CYFIP1: variants seen among roughly 807,000 people sequenced by gnomAD.
CYFIP1 encodes cytoplasmic FMR1-interacting protein 1.
CYFIP1 carries 58 observed loss-of-function variants against 163.5 expected under a neutral mutation model. That is an observed-to-expected ratio of 0.35 (90% CI 0.29 to 0.44). The LOEUF (loss-of-function observed/expected upper bound fraction) is 0.44. CYFIP1 is among the 20% of genes least tolerant of loss of function. The pLI, the probability that CYFIP1 is intolerant of heterozygous loss-of-function variation, is 1.00. For missense variants in CYFIP1, 1,338 were observed against 1,653.8 expected (o/e 0.81, Z 3.31); for synonymous variants, 663 against 660.7 (o/e 1.00, Z -0.05).
chr15:22,941,434 G>C (rs920705894), intron 6 of CYFIP1, among the ~76,000 whole-genome samples: 1 of 152,014 alleles, frequency 6.6e-6, no homozygotes, highest in African/African-American at 2.4e-5. Context: ...CAAGGATACT[G>C]TTTTCTATTT....
In CYFIP1 at chr15:22,916,401, C is replaced by T. The variant is rs376753451; in HGVS notation, c.1828+76G>A. 1.7e-4 allele frequency: 196 copies of T among 1,133,926 alleles called. 1 individual carries two copies. Among genetic ancestry groups the T allele is most frequent in the East Asian group, 2.3e-4 (10 of 42,658 alleles). 70.2% of individuals were successfully genotyped at this position (1,133,926 alleles called of 1,614,324 possible). A position where few individuals can be genotyped will look rare whatever the true frequency, so the allele number is the denominator to read the frequency against. On this transcript the variant is annotated intron_variant, in intron 16 of 30. Transcript: ENST00000617928. Reference sequence around the variant, plus strand: ...AGGGACGGGGTAGGGGGTGGTCAGGCGGGCGGAAGCATTCTAGACGGTGTT... The same window carrying T: ...AGGGACGGGGTAGGGGGTGGTCAGGTGGGCGGAAGCATTCTAGACGGTGTT...
intron 17 of CYFIP1, among the ~76,000 whole-genome samples, 179 bp downstream of exon 17, chr15:22,914,547 C>T (rs2060904836): frequency 6.6e-6 from 1 of 152,036 alleles, no homozygotes; most frequent in Non-Finnish European, 1.5e-5. Flanking sequence ...CCGCATCAGC[C>T]ACCACACCAG....
chr15:22,967,434 T>C (rs186342570), intron 1 of CYFIP1, among the ~76,000 whole-genome samples: 15 of 152,268 alleles, frequency 9.9e-5, no homozygotes, highest in African/African-American at 3.6e-4. Flanking sequence ...CTTGGCTAAG[T>C]CTACAGGAGT....
intron 11 of CYFIP1, 34 bp downstream of exon 11, chr15:22,932,189 G>C: frequency 6.6e-7 from 1 of 1,524,092 alleles, no homozygotes; most frequent in Non-Finnish European, 9.0e-7. Flanking sequence ...GGCGACCCTC[G>C]GGTGCCTGTG....
rs760706216 is a variant in CYFIP1 at position 22,926,117 on chromosome 15, C to T, written c.1234-10G>A. The stretch of plus-strand genomic sequence containing the variant: ...CAAGCTTCCAGGAATACTGTGGTGG[C>T]CGAAAGAGCAGAGGTGTTCCATATT... On this transcript the variant is annotated splice_polypyrimidine_tract_variant and intron_variant, in intron 12 of 30. Transcript: ENST00000617928. The T allele has an allele frequency of 5.6e-6, 9 of 1,613,978 alleles. No individual in the cohort carries two copies. The highest frequency in any genetic ancestry group is 3.3e-4 in the Middle Eastern group (2 of 6,062).
chr15:22,950,398 A>G (rs1027131400), intron 1 of CYFIP1, among the ~76,000 whole-genome samples: 2 of 152,102 alleles, frequency 1.3e-5, no homozygotes, highest in South Asian at 4.1e-4. Flanking sequence ...CTCATCAGAG[A>G]GAGAGAAGGA....
chr15:22,935,442 AG>A (rs1398535207), intron 9 of CYFIP1, among the ~76,000 whole-genome samples: 2 of 152,218 alleles, frequency 1.3e-5, no homozygotes, highest in Admixed American at 6.5e-5. Context: ...GATTAGATCT[AG>A]GTGAAAAAGG....
At chr15:22,891,949 A>C (rs542630140) in intron 23 of CYFIP1, among the ~76,000 whole-genome samples, 1 of 152,226 alleles carries the variant, frequency 6.6e-6, no homozygotes, top group African/African-American at 2.4e-5. Context: ...GGCATTGGGC[A>C]GATGGGGCAG....
chr15:22,926,185 G>T, intron 12 of CYFIP1, 78 bp from the exon 13 acceptor site: 1 of 1,589,232 alleles, frequency 6.3e-7, no homozygotes. Context: ...ACACGATGGT[G>T]GCCAAAGCCA....
At chr15:22,959,795 C>T (rs1337386812) in intron 1 of CYFIP1, among the ~76,000 whole-genome samples, 2 of 152,230 alleles carry the variant, frequency 1.3e-5, no homozygotes, top group Non-Finnish European at 2.9e-5. Context: ...TCCCCCTCCC[C>T]ACCAGCCTCT....
At chr15:22,950,383 A>T (rs952756294) in intron 1 of CYFIP1, among the ~76,000 whole-genome samples, 1 of 152,198 alleles carries the variant, frequency 6.6e-6, no homozygotes, top group African/African-American at 2.4e-5. Flanking sequence ...CCTCCGAGCA[A>T]GGAACTCATC....
At chr15:22,907,590 C>T (rs1264190959) in intron 21 of CYFIP1, among the ~76,000 whole-genome samples, 1 of 152,186 alleles carries the variant, frequency 6.6e-6, no homozygotes, top group Non-Finnish European at 1.5e-5. Flanking sequence ...ACACTGTAAA[C>T]CCTCCCCCTG....
chr15:22,897,609 G>A (rs1456531463), intron 22 of CYFIP1, among the ~76,000 whole-genome samples: 2 of 151,932 alleles, frequency 1.3e-5, no homozygotes, highest in South Asian at 4.2e-4. Flanking sequence ...TCAGCCTCCT[G>A]AGTAGCTGGG....
intron 6 of CYFIP1, among the ~76,000 whole-genome samples, chr15:22,942,711 C>A (rs1004999435): frequency 6.6e-6 from 1 of 152,172 alleles, no homozygotes; most frequent in African/African-American, 2.4e-5. Context: ...GCACGGGCCA[C>A]GTCTGCACAT....
At chr15:22,873,866 G>A (rs1299049634) in intron 28 of CYFIP1, 137 bp from the exon 29 acceptor site, 5 of 775,118 alleles carry the variant, frequency 6.5e-6, no homozygotes, top group African/African-American at 1.7e-5. Flanking sequence ...ATCACAGCTC[G>A]CTGCAGCCTT....
chr15:22,908,552 C>CA (rs1188760835), intron 21 of CYFIP1, among the ~76,000 whole-genome samples: 2 of 91,006 alleles, frequency 2.2e-5, no homozygotes, highest in East Asian at 3.9e-4. Context: ...TTTTTTGAGA[C>CA]AGAGTCTTGC....
At chr15:22,876,198 A>G (rs1023849515) in intron 26 of CYFIP1, among the ~76,000 whole-genome samples, 1 of 152,070 alleles carries the variant, frequency 6.6e-6, no homozygotes, top group South Asian at 2.1e-4. Context: ...ACCGACAATG[A>G]GATTTTAACT....
At chr15:22,913,605 TA>T (rs33967385) in intron 17 of CYFIP1, among the ~76,000 whole-genome samples, 9,805 of 66,868 alleles carry the variant, frequency 0.15, 669 homozygotes, top group East Asian at 0.18. Context: ...TAGACAGCAT[TA>T]AAAAAAAAAA....
intron 22 of CYFIP1, 51 bp downstream of exon 22, chr15:22,903,655 T>A (rs780344487): frequency 1.3e-6 from 2 of 1,589,674 alleles, no homozygotes; most frequent in East Asian, 2.2e-5. Context: ...TGCGGGGACA[T>A]GGGTCCCTGA....
Sources: allele counts gnomAD v4.1 joint callset (sites outside exome capture counted in the v4.1 genomes callset), GRCh38; gene constraint gnomAD v4.1.1; transcripts MANE v1.5; gene names NCBI Gene and HGNC (gene_info 2026-07-23, HGNC 2026-07-21).